The following STAT5B variants were observed in gnomAD, a reference collection of about 807,000 sequenced individuals.
STAT5B encodes the protein transcription factor STAT5B.
A neutral mutation model predicts 107.8 loss-of-function variants in STAT5B; 21 were observed. The observed-to-expected ratio is 0.19, with a 90% confidence interval of 0.14 to 0.28. The LOEUF is 0.28. Among genes scored for constraint, STAT5B ranks in the 10% least tolerant of loss-of-function variants. The pLI is 1.00. For synonymous variants in STAT5B, 325 were observed against 401.7 expected (o/e 0.81, Z 2.28); for missense variants, 565 against 1,008.2 (o/e 0.56, Z 5.95).
chr17:42,238,652 C>T (rs1488212881), intron 1 of STAT5B, among the ~76,000 whole-genome samples: 1 of 150,698 alleles, frequency 6.6e-6, no homozygotes, highest in African/African-American at 2.4e-5. Flanking sequence ...GGAGTTTTAC[C>T]ATCTTGGCCA....
chr17:42,202,561 C>T (rs2144194328), intron 17 of STAT5B, 114 bp from the exon 18 acceptor site: 1 of 1,453,242 alleles, frequency 6.9e-7, no homozygotes, highest in South Asian at 1.2e-5. Context: ...ACAAAGTGCC[C>T]CACTCGGCCC....
At position 42,218,794 on chromosome 17, in the gene STAT5B, G is replaced by T. The variant is rs142321005; in HGVS notation, c.918C>A (p.Pro306=). ...CGGCCAGCATCTCCTCCACTGGGCC[G>T]GGGATGGGCAGCTGCTGGCAGAGGT... ...AEHLCQQLPI[P]GPVEEMLAEV... Residue 306 remains proline, a synonymous_variant, in exon 8 of 19, where the codon CCC becomes CCA. Coordinates refer to ENST00000293328, the MANE Select transcript of STAT5B (RefSeq NM_012448.4). The T allele has an allele frequency of 2.5e-6, 4 of 1,612,982 alleles. No individual in the cohort carries two copies. Among genetic ancestry groups the T allele is most frequent in the African/African-American group, 1.3e-5 (1 of 75,002 alleles).
At chr17:42,283,829 C>A in the STAT5B span, among the ~76,000 whole-genome samples, 1 of 152,152 alleles carries the variant, frequency 6.6e-6, no homozygotes, top group African/African-American at 2.4e-5. Flanking sequence ...AGGGCCTGGC[C>A]TCAGAGGTGG....
At chr17:42,222,523 A>G (rs1419512341) in intron 5 of STAT5B, among the ~76,000 whole-genome samples, 1 of 152,102 alleles carries the variant, frequency 6.6e-6, no homozygotes, top group Non-Finnish European at 1.5e-5. Context: ...CTTAGTACTT[A>G]CACGTACCTG....
intron 1 of STAT5B, among the ~76,000 whole-genome samples, chr17:42,243,179 A>G (rs2080419809): frequency 1.1e-5 from 1 of 91,372 alleles, no homozygotes; most frequent in Admixed American, 8.0e-5. Context: ...TATACTTAAA[A>G]AAAATAAATA....
intron 1 of STAT5B, among the ~76,000 whole-genome samples, chr17:42,269,003 G>T (rs889570504): frequency 5.3e-5 from 8 of 152,132 alleles, no homozygotes; most frequent in African/African-American, 1.9e-4. Flanking sequence ...ATTTAGCCCA[G>T]GTTAGATTTT....
At chr17:42,203,793 C>A (rs1598293249) in intron 16 of STAT5B, among the ~76,000 whole-genome samples, 1 of 151,852 alleles carries the variant, frequency 6.6e-6, no homozygotes, top group Admixed American at 6.6e-5. Context: ...TGCCCAGCTA[C>A]TTTTTATATT....
chr17:42,265,137 A>T (rs1213527364), intron 1 of STAT5B, among the ~76,000 whole-genome samples: 2 of 144,318 alleles, frequency 1.4e-5, no homozygotes, highest in African/African-American at 5.2e-5. Context: ...GGTTGCGAAA[A>T]TTTTCTCCCA....
chr17:42,280,129 A>G (rs565848677), upstream of STAT5B, among the ~76,000 whole-genome samples: 2 of 152,230 alleles, frequency 1.3e-5, no homozygotes, highest in African/African-American at 4.8e-5. Context: ...CTGAACAGGA[A>G]GCTAGGATCC....
Position 42,218,258 on chromosome 17 carries a change from C to G in STAT5B, c.1062G>C (p.Leu354=). The part of the protein sequence containing the change: ...TQTKFAATVR[L]LVGGKLNVHM... ...GCACGTTCAGCTTCCCGCCCACCAGCAGGCGCACAGTGGCTGCAAACTTGG... is the reference window on the plus strand; with the variant it reads ...GCACGTTCAGCTTCCCGCCCACCAGGAGGCGCACAGTGGCTGCAAACTTGG... The change falls in exon 9 of 19, where the codon CTG becomes CTC. Residue 354 remains leucine (L), a synonymous_variant. Coordinates refer to ENST00000293328, the MANE Select transcript of STAT5B (RefSeq NM_012448.4). The G allele has an allele frequency of 6.2e-7, 1 of 1,614,196 alleles. No homozygotes were observed. The highest frequency in any genetic ancestry group is 8.5e-7 in the Non-Finnish European group (1 of 1,180,046).
intron 5 of STAT5B, among the ~76,000 whole-genome samples, chr17:42,221,534 C>T (rs1299520252): frequency 1.3e-5 from 2 of 152,188 alleles, no homozygotes; most frequent in African/African-American, 4.8e-5. Context: ...ACCTAATCCG[C>T]CACCATGCAC....
intron 1 of STAT5B, among the ~76,000 whole-genome samples, chr17:42,265,228 C>T (rs2080657474): frequency 6.6e-6 from 1 of 151,912 alleles, no homozygotes; most frequent in South Asian, 2.1e-4. Flanking sequence ...TCCCATTTGT[C>T]AATTTTGTCT....
chr17:42,231,607 G>C (rs983152452), intron 2 of STAT5B, among the ~76,000 whole-genome samples: 4 of 152,194 alleles, frequency 2.6e-5, no homozygotes, highest in Admixed American at 1.3e-4. Context: ...CTCCCAAAGT[G>C]TTGGGATTAC....
At chr17:42,229,295 G>A (rs1006233947) in intron 2 of STAT5B, among the ~76,000 whole-genome samples, 15 of 152,020 alleles carry the variant, frequency 9.9e-5, no homozygotes, top group Admixed American at 5.2e-4. Context: ...AATTACAGGC[G>A]TGCACCACCA....
chr17:42,209,545 A>C (rs900355920), intron 15 of STAT5B, among the ~76,000 whole-genome samples: 1 of 152,124 alleles, frequency 6.6e-6, no homozygotes, highest in African/African-American at 2.4e-5. Flanking sequence ...GGCAACATAC[A>C]AAAAATTTAA....
rs2230097 is a variant in STAT5B at position 42,201,704 on chromosome 17, A to G, written c.*34T>C. 0.028 allele frequency: 36,448 copies of G among 1,291,866 alleles called. 6,924 individuals carry two copies. The African/African-American group carries it at 0.44, about 16-fold the overall frequency. 80.0% of individuals were successfully genotyped at this position (1,291,866 alleles called of 1,614,324 possible). On this transcript the variant is annotated 3_prime_UTR_variant, in exon 19 of 19. Transcript: ENST00000293328. Reference sequence around the variant, plus strand: ...TCCACAAGAGTGATTCCTCTGGTGAAGATGAAGAAGCTGAAGATGGAGAGG... The same window carrying G: ...TCCACAAGAGTGATTCCTCTGGTGAGGATGAAGAAGCTGAAGATGGAGAGG...
intron 1 of STAT5B, among the ~76,000 whole-genome samples, chr17:42,251,998 C>CAAAAAAAAA (rs78151719): frequency 1.4e-5 from 1 of 69,414 alleles, no homozygotes; most frequent in Non-Finnish European, 3.3e-5. Context: ...GGCTCCGTCT[C>CAAAAAAAAA]AAAAAAAAAA....
chr17:42,282,935 G>A, the STAT5B span, among the ~76,000 whole-genome samples: 10 of 152,196 alleles, frequency 6.6e-5, no homozygotes, highest in African/African-American at 2.4e-4. Flanking sequence ...AAGCCTGGCC[G>A]AAGCACTTTT....
chr17:42,220,601 A>G (rs73986532), intron 5 of STAT5B, among the ~76,000 whole-genome samples: 1,627 of 151,582 alleles, frequency 0.011, no homozygotes, highest in African/African-American at 0.037. Context: ...GAACCCAGCC[A>G]ACCAACCAGG....
Sources: allele counts gnomAD v4.1 joint callset (sites outside exome capture counted in the v4.1 genomes callset), GRCh38; gene constraint gnomAD v4.1.1; transcripts MANE v1.5; gene names NCBI Gene and HGNC (gene_info 2026-07-23, HGNC 2026-07-21).